The following SLC24A4 variants were observed in gnomAD, a reference collection of about 807,000 sequenced individuals.
SLC24A4 encodes solute carrier family 24 member 4.
In SLC24A4, 53 loss-of-function variants were observed where a neutral mutation model predicts 79.0. The ratio of observed to expected loss-of-function variants is 0.67; its 90% CI spans 0.54 to 0.84. The LOEUF (loss-of-function observed/expected upper bound fraction) is 0.84. Among genes scored for constraint, SLC24A4 ranks in the 40% least tolerant of loss-of-function variants. The pLI, the probability that SLC24A4 is intolerant of heterozygous loss-of-function variation, is 0.00. For synonymous variants in SLC24A4, 323 were observed against 323.8 expected (o/e 1.00, Z 0.03); for missense variants, 731 against 822.0 (o/e 0.89, Z 1.35).
intron 2 of SLC24A4, among the ~76,000 whole-genome samples, chr14:92,351,218 T>TCA (rs1886841825): frequency 7.5e-6 from 1 of 133,944 alleles, no homozygotes; most frequent in Non-Finnish European, 1.7e-5. Flanking sequence ...TCTCTCTCTT[T>TCA]CACACACACA....
At chr14:92,368,197 G>A (rs913952220) in intron 2 of SLC24A4, among the ~76,000 whole-genome samples, 1 of 152,206 alleles carries the variant, frequency 6.6e-6, no homozygotes, top group African/African-American at 2.4e-5. Flanking sequence ...CCTCCAGACA[G>A]AAACAATGGG....
chr14:92,377,873 G>A (rs1888604705), intron 2 of SLC24A4, among the ~76,000 whole-genome samples: 1 of 152,050 alleles, frequency 6.6e-6, no homozygotes, highest in South Asian at 2.1e-4. Flanking sequence ...GCTGAATGAA[G>A]GTGAGGAAGA....
rs935931860 is a variant in SLC24A4, at chr14:92,323,570, G to A, written c.-261G>A. ...CCGCCAGCGCCACCGTGCCGGCGTC[G>A]CCTCCTCGCCACGGAGCCATGGTGC... On this transcript the variant is annotated 5_prime_UTR_variant, in exon 1 of 17. Coordinates refer to ENST00000532405, the MANE Select transcript of SLC24A4 (RefSeq NM_153646.4). The surrounding 1 kb of genome is among the most constrained non-coding windows in gnomAD (Gnocchi z 4.9). The A allele has an allele frequency of 2.7e-5, 8 of 291,314 alleles. No individual in the cohort carries two copies. The Admixed American group carries it at 3.7e-4, about 13-fold the overall frequency. The allele number at this position is 291,314 out of a possible 1,614,324, so 18.0% of individuals were successfully genotyped here.
Position 92,456,445 on chromosome 14 carries a change from G to A in SLC24A4, c.1092G>A (p.Lys364=), listed in dbSNP as rs759033216. Residue 364 remains lysine (K), a synonymous_variant, in exon 12 of 17, where the codon AAG becomes AAA. Coordinates refer to ENST00000532405, the MANE Select transcript of SLC24A4 (RefSeq NM_153646.4). ...LINSANGVSS[K]PLQNGRHENI... is the part of the protein sequence containing the mutation. ...ACTCGGCCAATGGTGTGAGCAGTAA[G>A]CCGCTTCAAAACGGGAGGCACGAGA... 9 of 1,614,220 alleles carry A rather than the reference G, an allele frequency of 5.6e-6. No homozygotes were observed. Among genetic ancestry groups the A allele is most frequent in the Non-Finnish European group, 5.1e-6 (6 of 1,180,044 alleles).
intron 2 of SLC24A4, among the ~76,000 whole-genome samples, chr14:92,346,694 G>C (rs1886551965): frequency 6.6e-6 from 1 of 152,174 alleles, no homozygotes; most frequent in Non-Finnish European, 1.5e-5. Context: ...CTAGGGCTGC[G>C]GTTCTCAACT....
intron 2 of SLC24A4, among the ~76,000 whole-genome samples, chr14:92,347,217 T>C (rs1016634351): frequency 1.3e-5 from 2 of 152,196 alleles, no homozygotes; most frequent in African/African-American, 4.8e-5. Flanking sequence ...GTCAAAGGAA[T>C]TGGTGTAATA....
At chr14:92,475,893 T>C (rs1170990469) in intron 12 of SLC24A4, among the ~76,000 whole-genome samples, 4 of 152,152 alleles carry the variant, frequency 2.6e-5, no homozygotes, top group Non-Finnish European at 4.4e-5. Flanking sequence ...TTCACCATCC[T>C]CTCCTGGATC....
rs1895895604 is a variant in SLC24A4 at position 92,495,576 on chromosome 14, T to A, written c.*1948T>A. On this transcript the variant is annotated 3_prime_UTR_variant, in exon 17 of 17. Coordinates refer to ENST00000532405, the MANE Select transcript of SLC24A4 (RefSeq NM_153646.4). ...AGCCAAGTTCTCCTGGTTCCTCCGA[T>A]CTTACAGGCTCATCCAGGTTCCAAA... The A allele has an allele frequency of 6.6e-6, 1 of 152,226 alleles. No homozygotes were observed. The highest frequency in any genetic ancestry group is 2.4e-5 in the African/African-American group (1 of 41,440). The allele number at this position is 152,226 out of a possible 1,614,324, so 9.4% of individuals were successfully genotyped here.
At position 92,492,240 on chromosome 14, in the gene SLC24A4, C is replaced by CGTGA. The variant is rs1566809339; in HGVS notation, c.1716+3_1716+6dup. 1.9e-6 allele frequency: 3 copies of CGTGA among 1,613,940 alleles called. No homozygotes were observed. Among genetic ancestry groups the CGTGA allele is most frequent in the Non-Finnish European group, 2.5e-6 (3 of 1,179,876 alleles). On this transcript the variant is annotated frameshift_variant and splice_region_variant. Transcript: ENST00000532405. LOFTEE classifies it high-confidence loss of function. ...TGTTGCTGGGCTCTGTCGCTCTCAC[C>CGTGA]GTGAGTCTTTACAATTCCAAAACAG...
chr14:92,371,737 C>G (rs1291972425), intron 2 of SLC24A4, among the ~76,000 whole-genome samples: 1 of 152,232 alleles, frequency 6.6e-6, no homozygotes, highest in Admixed American at 6.5e-5. Context: ...GGCCATGAGA[C>G]AAAGAACCTT....
chr14:92,443,395 G>A lies in SLC24A4; in HGVS notation c.583-5G>A, dbSNP rs755677518. On this transcript the variant is annotated splice_region_variant and splice_polypyrimidine_tract_variant and intron_variant, in intron 6 of 16. Transcript: ENST00000532405. ...TAGCAGCCAACGACGGGGCTCTGCTGGCAGGTGGTCCGTCTGACGTGGTGG... is the reference window on the plus strand; with the variant it reads ...TAGCAGCCAACGACGGGGCTCTGCTAGCAGGTGGTCCGTCTGACGTGGTGG... The A allele has an allele frequency of 3.1e-6, 5 of 1,613,992 alleles. No individual in the cohort carries two copies. The Admixed American group carries it at 8.3e-5, about 27-fold the overall frequency.
intron 2 of SLC24A4, among the ~76,000 whole-genome samples, chr14:92,365,111 G>A (rs950213953): frequency 2.0e-4 from 30 of 152,240 alleles, no homozygotes; most frequent in African/African-American, 7.0e-4. Context: ...CACTGGCACC[G>A]CCATCCTTAA....
chr14:92,349,110 T>C (rs1886716857), intron 2 of SLC24A4, among the ~76,000 whole-genome samples: 1 of 151,612 alleles, frequency 6.6e-6, no homozygotes. Flanking sequence ...TAAGGATTGC[T>C]GTTGAATTTC....
intron 12 of SLC24A4, among the ~76,000 whole-genome samples, chr14:92,460,397 A>G (rs1211158369): frequency 6.6e-6 from 1 of 152,160 alleles, no homozygotes; most frequent in African/African-American, 2.4e-5. Flanking sequence ...GTTAGTGTGA[A>G]TCCTAGTGTG....
intron 2 of SLC24A4, among the ~76,000 whole-genome samples, 178 bp downstream of exon 2, chr14:92,326,156 A>G (rs572479093): frequency 7.2e-5 from 11 of 152,372 alleles, no homozygotes; most frequent in Middle Eastern, 3.4e-3. Flanking sequence ...GGTGCTGCTA[A>G]GCAACTCAAG....
At chr14:92,417,611 A>G (rs1401943459) in intron 2 of SLC24A4, among the ~76,000 whole-genome samples, 1 of 152,230 alleles carries the variant, frequency 6.6e-6, no homozygotes, top group Non-Finnish European at 1.5e-5. Context: ...TTCACTAACC[A>G]CGCACTCACT....
chr14:92,367,209 C>T (rs1887896258), intron 2 of SLC24A4, among the ~76,000 whole-genome samples: 1 of 152,234 alleles, frequency 6.6e-6, no homozygotes, highest in Non-Finnish European at 1.5e-5. Context: ...GTGTGTCCAA[C>T]ATGCCGGCCT....
chr14:92,387,647 AT>A (rs1419253560), intron 2 of SLC24A4, among the ~76,000 whole-genome samples: 3 of 152,182 alleles, frequency 2.0e-5, no homozygotes, highest in African/African-American at 7.2e-5. Flanking sequence ...CATCACCACC[AT>A]TGGTCTCCAG....
chr14:92,343,823 C>G (rs998792364), intron 2 of SLC24A4, among the ~76,000 whole-genome samples: 1 of 151,902 alleles, frequency 6.6e-6, no homozygotes, highest in Non-Finnish European at 1.5e-5. Context: ...CTGTCTCAGT[C>G]TCCTGAGTAG....
Sources: gnomAD v4.1 joint callset for allele counts (sites outside exome capture counted in the v4.1 genomes callset) on GRCh38, gnomAD v4.1.1 for gene constraint, Gnocchi (gnomAD v3.1) non-coding constraint, MANE v1.5 for transcripts, NCBI Gene and HGNC (gene_info 2026-07-23, HGNC 2026-07-21) for gene names.